MYOM2: variants seen among roughly 807,000 people sequenced by gnomAD.
MYOM2 encodes myomesin-2.
Under a neutral mutation model 187.6 loss-of-function variants are expected in MYOM2, and 254 were observed. The ratio of observed to expected loss-of-function variants is 1.35; its 90% CI spans 1.22 to 1.50. The LOEUF (loss-of-function observed/expected upper bound fraction) is 1.50, where lower values mean the gene tolerates loss of function less well. Ranked by LOEUF, MYOM2 falls within the 40% of genes most tolerant of loss-of-function variation. The pLI is 0.00. For missense variants in MYOM2, 2,796 were observed against 1,924.0 expected (o/e 1.45, Z -8.48); for synonymous variants, 981 against 753.8 (o/e 1.30, Z -4.94).
intron 17 of MYOM2, among the ~76,000 whole-genome samples, 167 bp downstream of exon 17, chr8:2,094,258 C>T (rs1298464099): frequency 6.6e-6 from 1 of 152,170 alleles, no homozygotes; most frequent in East Asian, 1.9e-4. Context: ...GGCTGCTTGT[C>T]TTGGAAATGA....
intron 31 of MYOM2, 55 bp downstream of exon 31, chr8:2,124,272 C>T: frequency 1.3e-6 from 2 of 1,533,002 alleles, no homozygotes; most frequent in Admixed American, 1.8e-5. Context: ...ATCACTATTT[C>T]CTGACACGGG....
chr8:2,077,736 A>T (rs1427918017), intron 11 of MYOM2, among the ~76,000 whole-genome samples: 1 of 152,126 alleles, frequency 6.6e-6, no homozygotes, highest in African/African-American at 2.4e-5. Context: ...TCCTCCCCTC[A>T]TTACAAAAAG....
chr8:2,082,974 G>C (rs1819679945), intron 13 of MYOM2, among the ~76,000 whole-genome samples: 1 of 152,134 alleles, frequency 6.6e-6, no homozygotes, highest in African/African-American at 2.4e-5. Context: ...CCCCAGTTCA[G>C]CCACCCAGTA....
chr8:2,064,529 G>A (rs1286288575), intron 6 of MYOM2, among the ~76,000 whole-genome samples: 5 of 152,134 alleles, frequency 3.3e-5, no homozygotes, highest in East Asian at 1.9e-4. Flanking sequence ...GAGAGCCCAC[G>A]TGTTTTGCAG....
intron 13 of MYOM2, among the ~76,000 whole-genome samples, chr8:2,083,828 G>T (rs953857145): frequency 6.6e-5 from 10 of 152,214 alleles, no homozygotes; most frequent in Non-Finnish European, 1.5e-4. Flanking sequence ...CCCAGCCGGG[G>T]ATCCCCTGCT....
At chr8:2,076,097 G>T in intron 10 of MYOM2, 44 bp from the exon 11 acceptor site, 1 of 1,582,268 alleles carries the variant, frequency 6.3e-7, no homozygotes, top group Non-Finnish European at 8.6e-7. Context: ...AGTGACCCCA[G>T]CCTTTAAATG....
intron 30 of MYOM2, among the ~76,000 whole-genome samples, 190 bp downstream of exon 30, chr8:2,123,832 TATG>T (rs1797542057): frequency 6.6e-6 from 1 of 152,240 alleles, no homozygotes; most frequent in Admixed American, 6.5e-5. Context: ...TAGAATAATG[TATG>T]ATATTACTCT....
At chr8:2,100,557 C>CA in intron 19 of MYOM2, 1 of 317,162 alleles carries the variant, frequency 3.2e-6, no homozygotes, top group Non-Finnish European at 6.0e-6. Flanking sequence ...TGGAGGGTAA[C>CA]TTGAGAACCT....
chr8:2,099,061 G>T, intron 19 of MYOM2, 78 bp downstream of exon 19: 5 of 1,472,252 alleles, frequency 3.4e-6, no homozygotes, highest in Non-Finnish European at 4.5e-6. Context: ...TGCGACTCTG[G>T]ACTCGCCAGC....
chr8:2,140,295 G>C (rs761066768), intron 32 of MYOM2, among the ~76,000 whole-genome samples: 2 of 150,492 alleles, frequency 1.3e-5, no homozygotes, highest in Non-Finnish European at 2.9e-5. Flanking sequence ...GGACGCTTGG[G>C]CTGCCTCCCC....
At chr8:2,128,254 A>G (rs748853757) in intron 31 of MYOM2, among the ~76,000 whole-genome samples, 16 of 152,222 alleles carry the variant, frequency 1.1e-4, no homozygotes, top group Non-Finnish European at 2.1e-4. Context: ...CACAATAACT[A>G]TGTAAAAACT....
rs377723656 is a variant in MYOM2, at chr8:2,143,373, T to C, written c.4025-28T>C. Reference sequence around the variant, plus strand: ...CCGTGGGAACGTCCCGCAGATGTTTTCCTAACCAAGGTGCTTTCCCGTTGC... The same window carrying C: ...CCGTGGGAACGTCCCGCAGATGTTTCCCTAACCAAGGTGCTTTCCCGTTGC... On this transcript the variant is annotated intron_variant, in intron 35 of 36. Transcript: ENST00000262113. 2.8e-4 allele frequency: 446 copies of C among 1,614,228 alleles called. 1 individual carries two copies. The African/African-American group carries it at 5.0e-3, about 18-fold the overall frequency.
At chr8:2,110,945 A>C (rs1372260113) in intron 25 of MYOM2, among the ~76,000 whole-genome samples, 3 of 152,206 alleles carry the variant, frequency 2.0e-5, no homozygotes, top group Admixed American at 6.5e-5. Context: ...TCGGCTAGAA[A>C]GTAGAAAACA....
intron 1 of MYOM2, among the ~76,000 whole-genome samples, chr8:2,048,708 A>T (rs769903408): frequency 2.0e-5 from 3 of 152,184 alleles, no homozygotes; most frequent in Non-Finnish European, 4.4e-5. Flanking sequence ...TGACCTCTGC[A>T]CTATGATACT....
intron 6 of MYOM2, among the ~76,000 whole-genome samples, chr8:2,065,602 C>A (rs1818993548): frequency 6.6e-6 from 1 of 152,110 alleles, no homozygotes; most frequent in Non-Finnish European, 1.5e-5. Context: ...TATTTTTGCC[C>A]TGGATTTTCT....
intron 27 of MYOM2, among the ~76,000 whole-genome samples, chr8:2,117,125 T>C (rs945312871): frequency 1.3e-5 from 2 of 151,678 alleles, no homozygotes; most frequent in Non-Finnish European, 1.5e-5. Flanking sequence ...ATGTGAATTA[T>C]GAAACATAAA....
rs66740208 is a variant in MYOM2 at position 2,115,164 on chromosome 8, C to CAA, written c.3181-787_3181-786dup. Among the ~76,000 whole-genome samples, 745 of 144,106 alleles carry CAA rather than the reference C, an allele frequency of 5.2e-3. 4 individuals are homozygous for CAA. Among genetic ancestry groups the CAA allele is most frequent in the African/African-American group, 0.011 (431 of 39,394 alleles). 94.5% of individuals were successfully genotyped at this position (144,106 alleles called of 152,430 possible). A position where few individuals can be genotyped will look rare whatever the true frequency, so the allele number is the denominator to read the frequency against. Reference sequence around the variant, plus strand: ...TCAAGCCCCCAAATAAGGCAACCAGCAAAAAAAAAACAAAAAACAAACAAA... The same window carrying CAA: ...TCAAGCCCCCAAATAAGGCAACCAGCAAAAAAAAAAAACAAAAAACAAACAAA... On this transcript the variant is annotated intron_variant, in intron 25 of 36. Coordinates refer to ENST00000262113, the MANE Select transcript of MYOM2 (RefSeq NM_003970.4).
intron 18 of MYOM2, among the ~76,000 whole-genome samples, chr8:2,097,774 C>T (rs556508751): frequency 4.1e-4 from 62 of 152,354 alleles, no homozygotes; most frequent in African/African-American, 1.4e-3. Flanking sequence ...GCCTCAGCCT[C>T]CCAAAGTGCG....
At chr8:2,105,400 G>A (rs943029587) in intron 21 of MYOM2, among the ~76,000 whole-genome samples, 3 of 152,158 alleles carry the variant, frequency 2.0e-5, no homozygotes, top group African/African-American at 7.2e-5. Flanking sequence ...CATAGATTCT[G>A]CCTTGCACAC....
Sources: gnomAD v4.1 joint callset for allele counts (sites outside exome capture counted in the v4.1 genomes callset) on GRCh38, gnomAD v4.1.1 for gene constraint, MANE v1.5 for transcripts, NCBI Gene and HGNC (gene_info 2026-07-23, HGNC 2026-07-21) for gene names.